Variants in UNC13C observed in about 807,000 individuals in gnomAD.
UNC13C encodes the protein unc-13 homolog C.
A neutral mutation model predicts 245.4 loss-of-function variants in UNC13C; 174 were observed. The ratio of observed to expected loss-of-function variants is 0.71; its 90% confidence interval spans 0.63 to 0.80. The LOEUF (loss-of-function observed/expected upper bound fraction) is 0.80. Among genes scored for constraint, UNC13C ranks in the 30% least tolerant of loss-of-function variants. UNC13C has a pLI of 0.00. For synonymous variants in UNC13C, 992 were observed against 895.1 expected (o/e 1.11, Z -1.93); for missense variants, 2,829 against 2,602.9 (o/e 1.09, Z -1.89).
intron 4 of UNC13C, among the ~76,000 whole-genome samples, chr15:54,147,996 C>T (rs1170122545): frequency 1.3e-5 from 2 of 152,034 alleles, no homozygotes; most frequent in Non-Finnish European, 2.9e-5. Flanking sequence ...TTCCTTGAGC[C>T]GATGTGAAAT....
intron 4 of UNC13C, among the ~76,000 whole-genome samples, chr15:54,166,681 A>G (rs1245056834): frequency 6.6e-6 from 1 of 152,170 alleles, no homozygotes; most frequent in East Asian, 1.9e-4. Context: ...TTAATATATC[A>G]AAATCAATTT....
At chr15:54,577,377 T>C (rs1451998075) in intron 30 of UNC13C, among the ~76,000 whole-genome samples, 1 of 152,146 alleles carries the variant, frequency 6.6e-6, no homozygotes, top group Non-Finnish European at 1.5e-5. Flanking sequence ...ATGCCAGGCT[T>C]TGTGCTAGGT....
At chr15:54,400,672 A>G (rs2040162982) in intron 18 of UNC13C, among the ~76,000 whole-genome samples, 1 of 152,062 alleles carries the variant, frequency 6.6e-6, no homozygotes, top group African/African-American at 2.4e-5. Flanking sequence ...TTCTTCATCA[A>G]CCTTTCCTAT....
At chr15:54,412,253 A>G (rs1191496868) in intron 18 of UNC13C, among the ~76,000 whole-genome samples, 1 of 152,108 alleles carries the variant, frequency 6.6e-6, no homozygotes, top group African/African-American at 2.4e-5. Flanking sequence ...TTATAAAGGA[A>G]AGAGGTTTAA....
chr15:54,364,471 G>C (rs2039314405), intron 17 of UNC13C, among the ~76,000 whole-genome samples: 1 of 152,174 alleles, frequency 6.6e-6, no homozygotes, highest in Admixed American at 6.5e-5. Context: ...GTTTTTCTTA[G>C]ATGTAGGGAG....
chr15:54,117,556 TCTCTCTC>T (rs2030347063), intron 2 of UNC13C, among the ~76,000 whole-genome samples: 2 of 147,326 alleles, frequency 1.4e-5, no homozygotes, highest in Non-Finnish European at 3.0e-5. Context: ...TCTCTCTCTC[TCTCTCTC>T]TCTCATTTTC....
At chr15:54,163,409 C>G (rs1451635000) in intron 4 of UNC13C, among the ~76,000 whole-genome samples, 1 of 152,186 alleles carries the variant, frequency 6.6e-6, no homozygotes, top group East Asian at 1.9e-4. Context: ...TGGTAAACTT[C>G]TTTTGTTATA....
intron 19 of UNC13C, among the ~76,000 whole-genome samples, chr15:54,456,791 G>C (rs1411407552): frequency 6.6e-6 from 1 of 151,664 alleles, no homozygotes; most frequent in East Asian, 1.9e-4. Context: ...GAGTTTTTAG[G>C]GTTTTCTAGG....
the UNC13C span, among the ~76,000 whole-genome samples, chr15:53,862,490 G>A: frequency 1.3e-5 from 2 of 152,124 alleles, no homozygotes; most frequent in South Asian, 4.2e-4. Context: ...AGTGTGTTCT[G>A]GTACAAAGTG....
At chr15:53,885,343 C>G in the UNC13C span, among the ~76,000 whole-genome samples, 1 of 152,218 alleles carries the variant, frequency 6.6e-6, no homozygotes, top group Non-Finnish European at 1.5e-5. Context: ...GCCATTAAAT[C>G]TAGACAGGCC....
intron 4 of UNC13C, among the ~76,000 whole-genome samples, chr15:54,188,214 C>A (rs1449140738): frequency 6.6e-6 from 1 of 152,068 alleles, no homozygotes; most frequent in East Asian, 1.9e-4. Flanking sequence ...CATATTCTTA[C>A]ATTATTTAAA....
chr15:53,848,152 TA>T, the UNC13C span, among the ~76,000 whole-genome samples: 5,543 of 152,240 alleles, frequency 0.036, 146 homozygotes, highest in Admixed American at 0.087. Context: ...TTACTCTTTT[TA>T]AAGAACCAGT....
chr15:54,600,557 A>G (rs767530542), intron 30 of UNC13C, among the ~76,000 whole-genome samples: 1 of 152,092 alleles, frequency 6.6e-6, no homozygotes, highest in South Asian at 2.1e-4. Context: ...CCTATTGCTA[A>G]ATGCACAATA....
chr15:54,474,530 G>A (rs1029805020), intron 19 of UNC13C, among the ~76,000 whole-genome samples: 3 of 151,642 alleles, frequency 2.0e-5, no homozygotes, highest in Non-Finnish European at 4.4e-5. Flanking sequence ...TATTTGTTGT[G>A]TTTGTTTGTT....
At chr15:54,444,820 G>A (rs886847946) in intron 19 of UNC13C, among the ~76,000 whole-genome samples, 3 of 151,306 alleles carry the variant, frequency 2.0e-5, no homozygotes, top group Non-Finnish European at 4.4e-5. Context: ...TTATATATAT[G>A]TATTTTTTAT....
intron 10 of UNC13C, among the ~76,000 whole-genome samples, chr15:54,290,293 G>A (rs2037263382): frequency 6.6e-6 from 1 of 152,056 alleles, no homozygotes; most frequent in East Asian, 1.9e-4. Flanking sequence ...TATTAGTAAT[G>A]TGACAGGTTA....
chr15:54,405,741 C>T (rs1016707426), intron 18 of UNC13C, among the ~76,000 whole-genome samples: 1 of 152,106 alleles, frequency 6.6e-6, no homozygotes. Context: ...TACCGGCTTT[C>T]CTCTTTCACT....
chr15:54,454,140 A>ATATAT (rs1245633974), intron 19 of UNC13C, among the ~76,000 whole-genome samples: 116 of 150,662 alleles, frequency 7.7e-4, no homozygotes, highest in South Asian at 2.3e-3. Context: ...TATATATATA[A>ATATAT]AATACAATTT....
chr15:54,594,550 A>G (rs1368151463), intron 30 of UNC13C, among the ~76,000 whole-genome samples: 2 of 151,958 alleles, frequency 1.3e-5, no homozygotes, highest in Non-Finnish European at 2.9e-5. Flanking sequence ...CTGAAGTTGT[A>G]TACCTAGGAG....
Sources: allele counts gnomAD v4.1 joint callset (sites outside exome capture counted in the v4.1 genomes callset), GRCh38; gene constraint gnomAD v4.1.1; transcripts MANE v1.5; gene names NCBI Gene and HGNC (gene_info 2026-07-23, HGNC 2026-07-21).